The following ATP11A variants were observed in gnomAD, a reference collection of about 807,000 sequenced individuals.
The protein encoded by ATP11A is ATPase phospholipid transporting 11A.
In ATP11A, 81 loss-of-function variants were observed where a neutral mutation model predicts 154.4. The observed-to-expected ratio is 0.52, with a 90% confidence interval of 0.44 to 0.63. The LOEUF (loss-of-function observed/expected upper bound fraction) is 0.63. Ranked by LOEUF, ATP11A falls within the 30% of genes least tolerant of loss-of-function variation. The pLI is 0.00. For synonymous variants in ATP11A, 623 were observed against 585.9 expected (o/e 1.06, Z -0.91); for missense variants, 1,316 against 1,474.3 (o/e 0.89, Z 1.76).
In ATP11A at chr13:112,859,148, TG is replaced by T; in HGVS notation, c.2668-244del. Reference sequence around the variant, plus strand: ...TATACTGATACCTGCATTGCCTTCTTGTTTCTCTTGGAGCTGACAAATTTCC... The same window carrying T: ...TATACTGATACCTGCATTGCCTTCTTTTTCTCTTGGAGCTGACAAATTTCC... On this transcript the variant is annotated intron_variant, in intron 22 of 29. Transcript: ENST00000375645. This position sits in a 1 kb window ranked among gnomAD's most constrained non-coding sequence, Gnocchi z 4.3. The T allele has an allele frequency of 1.9e-6, 1 of 521,686 alleles. No individual in the cohort carries two copies. The highest frequency in any genetic ancestry group is 3.5e-6 in the Non-Finnish European group (1 of 286,772). 32.3% of individuals were successfully genotyped at this position (521,686 alleles called of 1,614,324 possible).
intron 4 of ATP11A, 29 bp downstream of exon 4, chr13:112,806,322 A>G (rs1566509009): frequency 6.5e-7 from 1 of 1,536,138 alleles, no homozygotes; most frequent in African/African-American, 1.4e-5. Context: ...AAAAAGAAGC[A>G]ATCGTCATCT....
At chr13:112,871,877 C>T in intron 26 of ATP11A, 77 bp downstream of exon 26, 2 of 1,425,758 alleles carry the variant, frequency 1.4e-6, no homozygotes, top group East Asian at 4.6e-5. Context: ...GCTCTGAGCT[C>T]TCTGAATTAT....
rs2078347288 is a variant in ATP11A at position 112,807,190 on chromosome 13, G to A, written c.333+897G>A. On this transcript the variant is annotated intron_variant, in intron 4 of 29. Transcript: ENST00000375645. This position sits in a 1 kb window ranked among gnomAD's most constrained non-coding sequence, Gnocchi z 4.5. Reference sequence around the variant, plus strand: ...ACCACGGGCCGCCGGCAGGAGCGTGGCGGAGCCACCAAGCACAGCAGTTGG... The same window carrying A: ...ACCACGGGCCGCCGGCAGGAGCGTGACGGAGCCACCAAGCACAGCAGTTGG... Among the ~76,000 whole-genome samples the A allele has an allele frequency of 6.6e-6, 1 of 152,262 alleles. No homozygotes were observed.
chr13:112,744,352 C>G (rs143237511), intron 1 of ATP11A, among the ~76,000 whole-genome samples: 1 of 151,356 alleles, frequency 6.6e-6, no homozygotes, highest in Admixed American at 6.6e-5. Flanking sequence ...TCTTTCCTCC[C>G]GGCACCCGGC....
chr13:112,871,649 G>C lies in ATP11A; in HGVS notation c.2992-86G>C, dbSNP rs528843518. On this transcript the variant is annotated intron_variant, in intron 25 of 29. Coordinates refer to ENST00000375645, the MANE Select transcript of ATP11A (RefSeq NM_015205.3). ...TGAAGTGTTGGCACACAAGAAAAAT[G>C]AGGTGTATTTTCTAAAACTCTTGAT... 9 of 1,245,648 alleles carry C rather than the reference G, an allele frequency of 7.2e-6. No homozygotes were observed. In the African/African-American group the frequency reaches 1.0e-4, roughly 14 times the overall value. The allele number at this position is 1,245,648 out of a possible 1,614,324, so 77.2% of individuals were successfully genotyped here. A position where few individuals can be genotyped will look rare whatever the true frequency, so the allele number is the denominator to read the frequency against.
At chr13:112,741,639 T>G (rs1040517484) in intron 1 of ATP11A, among the ~76,000 whole-genome samples, 2 of 152,174 alleles carry the variant, frequency 1.3e-5, no homozygotes, top group African/African-American at 4.8e-5. Context: ...ACAGGTGGGC[T>G]GCAGGGAGAC....
intron 1 of ATP11A, among the ~76,000 whole-genome samples, chr13:112,717,961 C>T (rs1000051739): frequency 2.6e-5 from 4 of 152,204 alleles, no homozygotes; most frequent in African/African-American, 9.7e-5. Flanking sequence ...CCTGTAATCC[C>T]AGCTACTCGG....
Position 112,831,526 on chromosome 13 carries a change from C to G in ATP11A, c.1373C>G (p.Ser458Trp). 1 of 1,614,148 alleles carries G rather than the reference C, an allele frequency of 6.2e-7. No homozygotes were observed. Among genetic ancestry groups the G allele is most frequent in the Non-Finnish European group, 8.5e-7 (1 of 1,179,998 alleles). The change falls in exon 13 of 30, where the codon TCG becomes TGG. Residue 458 changes from serine to tryptophan, a missense_variant. Around this residue, in one of 5 missense-constraint regions of ATP11A, gnomAD observed 876 missense variants for 1,006.8 expected, o/e 0.87. Coordinates refer to ENST00000375645, the MANE Select transcript of ATP11A (RefSeq NM_015205.3). ...PESSGIDMID[S>W]SPSVNGRERE... ...TCGTCAGGAATCGACATGATTGACTCGTCCCCCAGCGTCAACGGGAGGGTA... is the reference window on the plus strand; with the variant it reads ...TCGTCAGGAATCGACATGATTGACTGGTCCCCCAGCGTCAACGGGAGGGTA...
intron 1 of ATP11A, among the ~76,000 whole-genome samples, chr13:112,737,135 GA>G (rs1420165363): frequency 6.6e-6 from 1 of 152,162 alleles, no homozygotes; most frequent in Non-Finnish European, 1.5e-5. Context: ...CCTAAACAAG[GA>G]AAAGAAGCCA....
rs139905395 is a variant in ATP11A, at chr13:112,758,793, T to C, written c.40-26342T>C. Among the ~76,000 whole-genome samples, 7 of 152,338 alleles carry C rather than the reference T, an allele frequency of 4.6e-5. No individual in the cohort carries two copies. The East Asian group carries it at 1.3e-3, about 29-fold the overall frequency. The stretch of plus-strand genomic sequence containing the variant: ...CAAATACTCCAGCAACTAACACTTG[T>C]GAAGCATTTTTCAATTTTCCTGCAC... On this transcript the variant is annotated intron_variant, in intron 1 of 29. Transcript: ENST00000375645.
Position 112,823,362 on chromosome 13 carries a change from AC to A in ATP11A, c.745del (p.Leu249CysfsTer8). 6.2e-7 allele frequency: 1 copy of A among 1,613,876 alleles called. No individual in the cohort carries two copies. Among genetic ancestry groups the A allele is most frequent in the Non-Finnish European group, 8.5e-7 (1 of 1,179,826 alleles). ...CTTTACAGGCCCTTAGGATCGGAAA[AC>A]CTGCTGCTTAGAGGAGCTACACTGA... ...DPVVRPLGSE[N>X]LLLRGATLKN... On this transcript the variant is annotated frameshift_variant, in exon 9 of 30. Transcript: ENST00000375645. LOFTEE classifies it high-confidence loss of function.
intron 1 of ATP11A, among the ~76,000 whole-genome samples, chr13:112,774,870 C>T (rs929794255): frequency 1.3e-5 from 2 of 152,244 alleles, no homozygotes; most frequent in African/African-American, 4.8e-5. Context: ...CTACCGGCAT[C>T]GGTGAAGAGC....
At chr13:112,738,315 G>A (rs932992894) in intron 1 of ATP11A, among the ~76,000 whole-genome samples, 29 of 152,292 alleles carry the variant, frequency 1.9e-4, no homozygotes, top group African/African-American at 6.7e-4. Context: ...AGAGGTTGCA[G>A]TGAATTGAGA....
At chr13:112,737,413 C>A (rs1380538239) in intron 1 of ATP11A, among the ~76,000 whole-genome samples, 1 of 152,232 alleles carries the variant, frequency 6.6e-6, no homozygotes, top group African/African-American at 2.4e-5. Flanking sequence ...TAAAACAGAT[C>A]ATGACTCATG....
At chr13:112,833,048 C>T (rs749379080) in intron 14 of ATP11A, 25 bp downstream of exon 14, 5 of 1,597,416 alleles carry the variant, frequency 3.1e-6, no homozygotes, top group Non-Finnish European at 4.3e-6. Context: ...AAGGGTCTGC[C>T]TGGGTTTCCT....
intron 2 of ATP11A, among the ~76,000 whole-genome samples, chr13:112,800,497 G>A (rs9550211): frequency 0.83 from 125,408 of 151,920 alleles, 51,888 homozygotes; most frequent in Middle Eastern, 0.94. Flanking sequence ...AATGGAATCC[G>A]TAATTAATAC....
At chr13:112,701,906 G>A (rs1456879201) in intron 1 of ATP11A, among the ~76,000 whole-genome samples, 1 of 152,118 alleles carries the variant, frequency 6.6e-6, no homozygotes, top group Non-Finnish European at 1.5e-5. Flanking sequence ...GTTACCCCCG[G>A]CACTGTGCTT....
chr13:112,849,016 C>T (rs1283416174), intron 17 of ATP11A, among the ~76,000 whole-genome samples: 4 of 152,202 alleles, frequency 2.6e-5, no homozygotes, highest in African/African-American at 7.2e-5. Context: ...GTTTTTACCA[C>T]GTTGAGGAGG....
In ATP11A at chr13:112,885,325, GCTT is replaced by G. The variant is rs763801869; in HGVS notation, c.*3462_*3464del. Reference sequence around the variant, plus strand: ...GTATGCACAGCAGAGAGACGTATGAGCTTCTACTGCACACATGCACACACACAC... The same window carrying G: ...GTATGCACAGCAGAGAGACGTATGAGCTACTGCACACATGCACACACACAC... On this transcript the variant is annotated 3_prime_UTR_variant, in exon 30 of 30. Transcript: ENST00000375645. 13 of 152,042 alleles carry G rather than the reference GCTT, an allele frequency of 8.6e-5. No homozygotes were observed. The highest frequency in any genetic ancestry group is 4.6e-4 in the Admixed American group (7 of 15,288). The allele number at this position is 152,042 out of a possible 1,614,324, so 9.4% of individuals were successfully genotyped here.
Sources: allele counts gnomAD v4.1 joint callset (sites outside exome capture counted in the v4.1 genomes callset), GRCh38; gene constraint gnomAD v4.1.1; regional missense constraint gnomAD v4.1.1; non-coding constraint Gnocchi (gnomAD v3.1); transcripts MANE v1.5; gene names NCBI Gene and HGNC (gene_info 2026-07-23, HGNC 2026-07-21).